The following DNAJC1 variants were observed in gnomAD, a reference collection of about 807,000 sequenced individuals.
DNAJC1 encodes dnaJ homolog subfamily C member 1.
Under a neutral mutation model 76.6 loss-of-function variants are expected in DNAJC1, and 58 were observed. That is an observed-to-expected ratio of 0.76 (90% CI 0.61 to 0.94). DNAJC1 has a LOEUF of 0.94. Among genes scored for constraint, DNAJC1 ranks in the 40% least tolerant of loss-of-function variants. DNAJC1 has a pLI of 0.00. For missense variants in DNAJC1, 689 were observed against 677.3 expected, an observed-to-expected ratio of 1.02 and a Z score of -0.19; for synonymous variants, 258 against 267.9, an observed-to-expected ratio of 0.96 and a Z score of 0.36.
rs1297628910 is a variant in DNAJC1, at chr10:21,905,842, A to G, written c.730-1230T>C. On this transcript the variant is annotated intron_variant, in intron 6 of 11. Coordinates refer to ENST00000376980, the MANE Select transcript of DNAJC1 (RefSeq NM_022365.4). ...TAAGAAAAAGAAGGGTTTCAAGAATAACTCTAGGGTAACATTCTCAGACCA... is the reference window on the plus strand; with the variant it reads ...TAAGAAAAAGAAGGGTTTCAAGAATGACTCTAGGGTAACATTCTCAGACCA... Among the ~76,000 whole-genome samples the G allele has an allele frequency of 2.0e-5, 3 of 152,292 alleles. No homozygotes were observed. The East Asian group carries it at 5.8e-4, about 29-fold the overall frequency.
At chr10:21,872,073 CTTTT>C (rs546290479) in intron 8 of DNAJC1, among the ~76,000 whole-genome samples, 10 of 133,018 alleles carry the variant, frequency 7.5e-5, no homozygotes, top group Admixed American at 1.5e-4. Flanking sequence ...GTTAAATCAT[CTTTT>C]TTTTTTTTTT....
At chr10:21,838,046 G>T (rs1316762411) in intron 8 of DNAJC1, among the ~76,000 whole-genome samples, 1 of 150,528 alleles carries the variant, frequency 6.6e-6, no homozygotes, top group Non-Finnish European at 1.5e-5. Flanking sequence ...TCCGGGAGGT[G>T]GGGGGCGCCT....
intron 1 of DNAJC1, among the ~76,000 whole-genome samples, chr10:21,981,324 G>A (rs1284786215): frequency 6.6e-6 from 1 of 152,054 alleles, no homozygotes; most frequent in Non-Finnish European, 1.5e-5. Flanking sequence ...TACTCACTTG[G>A]CATGTATTCA....
chr10:21,926,949 AC>A (rs1673209372), intron 3 of DNAJC1, among the ~76,000 whole-genome samples: 1 of 152,224 alleles, frequency 6.6e-6, no homozygotes, highest in Admixed American at 6.5e-5. Context: ...GAAAGAAATT[AC>A]AAAGTTTATT....
At chr10:21,767,389 C>T (rs962552615) in intron 9 of DNAJC1, among the ~76,000 whole-genome samples, 3 of 152,174 alleles carry the variant, frequency 2.0e-5, no homozygotes, top group Non-Finnish European at 2.9e-5. Context: ...GATCTACATA[C>T]AGAATTGCCT....
At chr10:21,801,351 A>C (rs1175287880) in intron 9 of DNAJC1, among the ~76,000 whole-genome samples, 2 of 152,180 alleles carry the variant, frequency 1.3e-5, no homozygotes, top group Non-Finnish European at 2.9e-5. Context: ...TTTCAAAAGA[A>C]GACATACATG....
At chr10:21,926,563 T>C (rs1212735174) in intron 3 of DNAJC1, among the ~76,000 whole-genome samples, 2 of 152,028 alleles carry the variant, frequency 1.3e-5, no homozygotes. Context: ...GACTGTGCTC[T>C]TTTTTTTCCT....
intron 1 of DNAJC1, among the ~76,000 whole-genome samples, chr10:21,973,399 G>T (rs1018051673): frequency 3.9e-5 from 6 of 152,166 alleles, no homozygotes; most frequent in South Asian, 2.1e-4. Flanking sequence ...CATAACCAAT[G>T]ATTAGATTAA....
chr10:21,838,467 C>CCAGGGA (rs1201656596), intron 8 of DNAJC1, among the ~76,000 whole-genome samples: 1 of 151,986 alleles, frequency 6.6e-6, no homozygotes, highest in African/African-American at 2.4e-5. Context: ...TCTCAAGTAC[C>CCAGGGA]CAGGGACACA....
intron 1 of DNAJC1, among the ~76,000 whole-genome samples, chr10:21,955,832 C>T (rs1160848056): frequency 1.3e-5 from 2 of 152,138 alleles, no homozygotes; most frequent in Non-Finnish European, 2.9e-5. Context: ...TGTTCTCTCC[C>T]ACATGCTAAC....
intron 8 of DNAJC1, among the ~76,000 whole-genome samples, chr10:21,819,643 C>G (rs1368316028): frequency 6.6e-6 from 1 of 151,876 alleles, no homozygotes; most frequent in African/African-American, 2.4e-5. Context: ...AATTAGCATA[C>G]CATAGGCCAG....
chr10:21,975,674 A>G (rs774309758), intron 1 of DNAJC1, among the ~76,000 whole-genome samples: 6 of 152,222 alleles, frequency 3.9e-5, no homozygotes, highest in Non-Finnish European at 8.8e-5. Flanking sequence ...ATCTACACTG[A>G]TAAGTGTTAG....
chr10:21,888,741 C>T (rs190518046), intron 7 of DNAJC1, among the ~76,000 whole-genome samples: 5 of 151,858 alleles, frequency 3.3e-5, no homozygotes, highest in Admixed American at 2.0e-4. Flanking sequence ...CTTATGAGCA[C>T]AAAGAAGGAA....
At chr10:21,932,290 C>T (rs943122820) in intron 1 of DNAJC1, among the ~76,000 whole-genome samples, 3 of 152,052 alleles carry the variant, frequency 2.0e-5, no homozygotes, top group Non-Finnish European at 4.4e-5. Flanking sequence ...CAGTGAGCCA[C>T]GATTGCACCA....
chr10:21,948,081 T>C (rs1483510154), intron 1 of DNAJC1, among the ~76,000 whole-genome samples: 1 of 151,362 alleles, frequency 6.6e-6, no homozygotes, highest in African/African-American at 2.4e-5. Context: ...CTTATTTCCT[T>C]CCTTGCAGTC....
chr10:21,841,292 A>C (rs1835570453), intron 8 of DNAJC1, among the ~76,000 whole-genome samples: 1 of 152,250 alleles, frequency 6.6e-6, no homozygotes, highest in African/African-American at 2.4e-5. Flanking sequence ...ACAGCAAAAG[A>C]AACTACCATC....
chr10:21,766,800 G>A (rs948582774), intron 9 of DNAJC1, among the ~76,000 whole-genome samples: 5 of 151,742 alleles, frequency 3.3e-5, no homozygotes, highest in East Asian at 1.9e-4. Context: ...GGGAAACCCC[G>A]TTTCTATGAA....
intron 10 of DNAJC1, among the ~76,000 whole-genome samples, chr10:21,763,889 G>A (rs1399706836): frequency 3.9e-5 from 6 of 152,050 alleles, no homozygotes; most frequent in Non-Finnish European, 8.8e-5. Flanking sequence ...TTTTTCCCTT[G>A]GGAAACGTTG....
chr10:21,766,637 C>A (rs751096422), intron 9 of DNAJC1, among the ~76,000 whole-genome samples: 6 of 151,820 alleles, frequency 4.0e-5, no homozygotes, highest in Non-Finnish European at 7.4e-5. Flanking sequence ...ACTTTAAGTT[C>A]TAGGGTACAT....
Sources: gnomAD v4.1 joint callset for allele counts (sites outside exome capture counted in the v4.1 genomes callset) on GRCh38, gnomAD v4.1.1 for gene constraint, MANE v1.5 for transcripts, NCBI Gene and HGNC (gene_info 2026-07-23, HGNC 2026-07-21) for gene names.